Variants in FARP1 observed in about 807,000 individuals in gnomAD.
The protein encoded by FARP1 is FERM, ARHGEF and pleckstrin domain-containing protein 1.
In FARP1, 52 loss-of-function variants were observed where a neutral mutation model predicts 128.8. The ratio of observed to expected loss-of-function variants is 0.40; its 90% CI spans 0.32 to 0.51. The LOEUF is 0.51. Among genes scored for constraint, FARP1 ranks in the 20% least tolerant of loss-of-function variants. The pLI is 0.45. For synonymous variants in FARP1, 580 were observed against 551.8 expected (o/e 1.05, Z -0.72); for missense variants, 1,333 against 1,367.9 (o/e 0.97, Z 0.40).
intron 2 of FARP1, among the ~76,000 whole-genome samples, chr13:98,233,211 C>T (rs1287415477): frequency 1.3e-5 from 2 of 152,210 alleles, no homozygotes; most frequent in East Asian, 1.9e-4. Context: ...TAAATAACAT[C>T]TTCCTCTCCT....
At chr13:98,168,715 T>G (rs1288693475) in intron 1 of FARP1, among the ~76,000 whole-genome samples, 1 of 152,250 alleles carries the variant, frequency 6.6e-6, no homozygotes, top group African/African-American at 2.4e-5. Context: ...TTTTCCCCCT[T>G]CATTCTGGTA....
intron 18 of FARP1, chr13:98,433,977 T>C (rs942771549): frequency 3.9e-5 from 6 of 152,324 alleles, no homozygotes; most frequent in African/African-American, 1.4e-4. Flanking sequence ...CTGTCGCCCA[T>C]GGGGGTGAGA....
At chr13:98,349,712 T>C (rs7337575) in intron 3 of FARP1, among the ~76,000 whole-genome samples, 14,980 of 145,566 alleles carry the variant, frequency 0.1, 1,127 homozygotes, top group African/African-American at 0.19. Context: ...AGACAATGCT[T>C]ACTGGCCTGA....
chr13:98,272,793 A>G (rs993374767), intron 2 of FARP1, among the ~76,000 whole-genome samples: 6 of 152,226 alleles, frequency 3.9e-5, no homozygotes, highest in Non-Finnish European at 8.8e-5. Context: ...AGTGAGGATT[A>G]TAAGGATTGG....
At chr13:98,247,418 C>T (rs1378416294) in intron 2 of FARP1, among the ~76,000 whole-genome samples, 1 of 152,192 alleles carries the variant, frequency 6.6e-6, no homozygotes, top group African/African-American at 2.4e-5. Context: ...TCACACTAAG[C>T]TCTAAATGAC....
intron 1 of FARP1, among the ~76,000 whole-genome samples, chr13:98,144,578 C>A (rs1403564611): frequency 6.6e-6 from 1 of 152,214 alleles, no homozygotes; most frequent in Non-Finnish European, 1.5e-5. Context: ...GGGGGCCCCT[C>A]TCCTTCCAGT....
chr13:98,343,701 G>A (rs760223828), intron 2 of FARP1, 61 bp from the exon 3 acceptor site: 11 of 1,146,662 alleles, frequency 9.6e-6, no homozygotes, highest in Non-Finnish European at 1.2e-5. Context: ...GCAGCGAGGA[G>A]CTGTGGTTTG....
chr13:98,152,733 A>G (rs1383207576), intron 1 of FARP1, among the ~76,000 whole-genome samples: 2 of 149,508 alleles, frequency 1.3e-5, no homozygotes, highest in Non-Finnish European at 3.0e-5. Context: ...AATATTATCT[A>G]TGAGAAAACT....
At position 98,176,692 on chromosome 13, in the gene FARP1, T is replaced by C. The variant is rs1353221710; in HGVS notation, c.-24+33200T>C. On this transcript the variant is annotated intron_variant, in intron 1 of 26. Coordinates refer to ENST00000319562, the MANE Select transcript of FARP1 (RefSeq NM_005766.4). The surrounding 1 kb of genome is among the most constrained non-coding windows in gnomAD (Gnocchi z 6.2). ...ATCCCAGCGCACAGTGGCGCGCAGA[T>C]GCCCTGGCGCACGTATGGGGCCCTT... 6.2e-7 allele frequency: 1 copy of C among 1,614,190 alleles called. No homozygotes were observed. Among genetic ancestry groups the C allele is most frequent in the Admixed American group, 1.7e-5 (1 of 60,022 alleles).
At chr13:98,258,681 A>G (rs1883729739) in intron 2 of FARP1, among the ~76,000 whole-genome samples, 1 of 151,486 alleles carries the variant, frequency 6.6e-6, no homozygotes, top group Non-Finnish European at 1.5e-5. Flanking sequence ...TAGAGAGACT[A>G]CATCTCTATT....
intron 2 of FARP1, among the ~76,000 whole-genome samples, chr13:98,229,125 C>A (rs528606398): frequency 7.2e-4 from 110 of 152,248 alleles, no homozygotes; most frequent in African/African-American, 2.5e-3. Context: ...AGAGAGCTGC[C>A]AAGACATAGC....
At chr13:98,247,457 C>T (rs1421406013) in intron 2 of FARP1, among the ~76,000 whole-genome samples, 3 of 152,158 alleles carry the variant, frequency 2.0e-5, no homozygotes, top group Admixed American at 2.0e-4. Context: ...CAGACAGACA[C>T]CCCAGTATGA....
chr13:98,277,588 A>G (rs1324939876), intron 2 of FARP1, among the ~76,000 whole-genome samples: 1 of 152,116 alleles, frequency 6.6e-6, no homozygotes, highest in Admixed American at 6.5e-5. Flanking sequence ...TGGCGCTGGG[A>G]AAGGGGTGAG....
chr13:98,380,222 G>A lies in FARP1; in HGVS notation c.496+2304G>A, dbSNP rs553590587. On this transcript the variant is annotated intron_variant, in intron 6 of 26. Coordinates refer to ENST00000319562, the MANE Select transcript of FARP1 (RefSeq NM_005766.4). ...AGCACTTTGGGAGGCCGAGGCGGGCGGATCACTTGAGGTCAGGAGTTCGTG... is the reference window on the plus strand; with the variant it reads ...AGCACTTTGGGAGGCCGAGGCGGGCAGATCACTTGAGGTCAGGAGTTCGTG... Among the ~76,000 whole-genome samples the A allele has an allele frequency of 1.6e-4, 25 of 152,096 alleles. No homozygotes were observed. In the East Asian group the frequency reaches 2.5e-3, roughly 15 times the overall value.
Position 98,446,145 on chromosome 13 carries a change from G to A in FARP1, c.2844G>A (p.Gly948=). 1 of 1,614,114 alleles carries A rather than the reference G, an allele frequency of 6.2e-7. No homozygotes were observed. The highest frequency in any genetic ancestry group is 8.5e-7 in the Non-Finnish European group (1 of 1,179,952). ...TGAGGAAATTCAAAAACAGCAACGG[G>A]TGGCAGAAGCTGTGGGTGGTGTTCA... is the stretch of plus-strand genomic sequence containing the variant. ...NLLRKFKNSN[G]WQKLWVVFTN... Residue 948 remains glycine, a synonymous_variant, in exon 25 of 27, where the codon GGG becomes GGA. Transcript: ENST00000319562.
chr13:98,428,051 G>T (rs1221061929), intron 17 of FARP1, among the ~76,000 whole-genome samples: 1 of 151,742 alleles, frequency 6.6e-6, no homozygotes, highest in African/African-American at 2.4e-5. Flanking sequence ...TGTCTTTCCC[G>T]CTTCGCTCCC....
At chr13:98,289,842 A>G (rs16955246) in intron 2 of FARP1, among the ~76,000 whole-genome samples, 7,164 of 152,264 alleles carry the variant, frequency 0.047, 240 homozygotes, top group Middle Eastern at 0.14. Context: ...ACAGGGACCC[A>G]ATGAGATGGA....
At chr13:98,427,471 G>A (rs1891832090) in intron 17 of FARP1, among the ~76,000 whole-genome samples, 1 of 152,272 alleles carries the variant, frequency 6.6e-6, no homozygotes, top group South Asian at 2.1e-4. Flanking sequence ...CCAGGGAGGC[G>A]CCCTCTTCAA....
chr13:98,213,511 G>T (rs551488586), intron 2 of FARP1, 98 bp downstream of exon 2: 524 of 1,290,298 alleles, frequency 4.1e-4, no homozygotes, highest in Non-Finnish European at 5.5e-4. Flanking sequence ...ACATGAGGCG[G>T]CTGGAGGTCC....
Sources: gnomAD v4.1 joint callset for allele counts (sites outside exome capture counted in the v4.1 genomes callset) on GRCh38, gnomAD v4.1.1 for gene constraint, Gnocchi (gnomAD v3.1) non-coding constraint, MANE v1.5 for transcripts, NCBI Gene and HGNC (gene_info 2026-07-23, HGNC 2026-07-21) for gene names.